The following SHLD2 variants were observed in gnomAD, a reference collection of about 807,000 sequenced individuals.
SHLD2 encodes the protein shieldin complex subunit 2.
A neutral mutation model predicts 73.2 loss-of-function variants in SHLD2; 30 were observed. The ratio of observed to expected loss-of-function variants is 0.41; its 90% CI spans 0.31 to 0.56. SHLD2 has a LOEUF of 0.56. Ranked by LOEUF, SHLD2 falls within the 20% of genes least tolerant of loss-of-function variation. The pLI, the probability that SHLD2 is intolerant of heterozygous loss-of-function variation, is 0.28. For missense variants in SHLD2, 745 were observed against 1,055.9 expected (o/e 0.71, Z 4.08); for synonymous variants, 285 against 370.1 (o/e 0.77, Z 2.64).
intron 7 of SHLD2, among the ~76,000 whole-genome samples, chr10:87,178,754 CAT>C (rs1346900618): frequency 1.3e-5 from 2 of 152,156 alleles, no homozygotes; most frequent in Admixed American, 6.5e-5. Flanking sequence ...AGTGATTTGA[CAT>C]GTCTTTGGAA....
chr10:87,125,476 C>T (rs1224834783), intron 2 of SHLD2, among the ~76,000 whole-genome samples: 1 of 152,218 alleles, frequency 6.6e-6, no homozygotes, highest in East Asian at 1.9e-4. Flanking sequence ...TGGCTGACGC[C>T]TGTAATCCTA....
intron 2 of SHLD2, among the ~76,000 whole-genome samples, chr10:87,102,350 G>A (rs958378605): frequency 1.5e-4 from 23 of 151,968 alleles, no homozygotes; most frequent in Non-Finnish European, 2.8e-4. Flanking sequence ...GGACCCAAGC[G>A]GTCTTCCCAC....
chr10:87,103,858 T>G (rs1842423483), intron 2 of SHLD2, among the ~76,000 whole-genome samples: 1 of 152,226 alleles, frequency 6.6e-6, no homozygotes, highest in African/African-American at 2.4e-5. Context: ...AAGGGTTCCT[T>G]TCATGTTGTG....
At chr10:87,111,553 A>C (rs1169402338) in intron 2 of SHLD2, among the ~76,000 whole-genome samples, 1 of 150,532 alleles carries the variant, frequency 6.6e-6, no homozygotes, top group African/African-American at 2.4e-5. Context: ...AGGCACGAGA[A>C]TCTCTTGAGT....
At chr10:87,144,298 G>C (rs1291257956) in intron 2 of SHLD2, among the ~76,000 whole-genome samples, 1 of 152,208 alleles carries the variant, frequency 6.6e-6, no homozygotes, top group Non-Finnish European at 1.5e-5. Flanking sequence ...TTGCAAGCCA[G>C]AATAAGAGAG....
intron 4 of SHLD2, among the ~76,000 whole-genome samples, chr10:87,162,585 G>A (rs3129476): frequency 1.3e-5 from 2 of 152,118 alleles, no homozygotes; most frequent in Non-Finnish European, 2.9e-5. Context: ...TCCCAGCTAC[G>A]TTGGAGGCTG....
chr10:87,099,749 A>C (rs1345252471), intron 2 of SHLD2, among the ~76,000 whole-genome samples: 1 of 152,242 alleles, frequency 6.6e-6, no homozygotes, highest in Non-Finnish European at 1.5e-5. Context: ...AATTCTTACC[A>C]GCAGTGAATG....
At chr10:87,159,362 A>G (rs548938008) in intron 4 of SHLD2, among the ~76,000 whole-genome samples, 204 of 152,284 alleles carry the variant, frequency 1.3e-3, no homozygotes, top group African/African-American at 4.7e-3. Context: ...TCCAATATAT[A>G]TTTATTATGT....
intron 2 of SHLD2, among the ~76,000 whole-genome samples, chr10:87,097,693 G>A (rs753039169): frequency 9.0e-4 from 137 of 152,106 alleles, no homozygotes; most frequent in Non-Finnish European, 1.8e-3. Context: ...GTGTGTAGGT[G>A]CCTTACAAAC....
chr10:87,150,942 T>C (rs1412708589), intron 2 of SHLD2, among the ~76,000 whole-genome samples: 1 of 151,956 alleles, frequency 6.6e-6, no homozygotes, highest in South Asian at 2.1e-4. Context: ...TTCTTCTGCC[T>C]CAGCCTTCAA....
intron 2 of SHLD2, among the ~76,000 whole-genome samples, chr10:87,099,627 G>A (rs1262036949): frequency 2.0e-5 from 3 of 152,120 alleles, no homozygotes; most frequent in African/African-American, 7.2e-5. Context: ...GTGAACTTTT[G>A]TGTGTGCATA....
chr10:87,190,878 T>C lies in SHLD2; in HGVS notation c.*195T>C. 1 of 591,672 alleles carries C rather than the reference T, an allele frequency of 1.7e-6. No individual in the cohort carries two copies. The highest frequency in any genetic ancestry group is 3.0e-6 in the Non-Finnish European group (1 of 336,624). The allele number at this position is 591,672 out of a possible 1,614,324, so 36.7% of individuals were successfully genotyped here. A position where few individuals can be genotyped will look rare whatever the true frequency, so the allele number is the denominator to read the frequency against. ...AGGTTTAAAAAGATTGTTTTTGTCTTTTGGTTTCTTACTTTCTCCTGGAGA... is the reference window on the plus strand; with the variant it reads ...AGGTTTAAAAAGATTGTTTTTGTCTCTTGGTTTCTTACTTTCTCCTGGAGA... On this transcript the variant is annotated 3_prime_UTR_variant, in exon 10 of 10. Coordinates refer to ENST00000298786, the MANE Select transcript of SHLD2 (RefSeq NM_001330112.2).
chr10:87,136,812 A>G (rs888253117), intron 2 of SHLD2, among the ~76,000 whole-genome samples: 10 of 152,164 alleles, frequency 6.6e-5, no homozygotes, highest in African/African-American at 2.4e-4. Flanking sequence ...GCTATGAAAC[A>G]CAAGCAGGTC....
intron 2 of SHLD2, among the ~76,000 whole-genome samples, chr10:87,113,080 C>T (rs1412826020): frequency 2.6e-5 from 4 of 152,136 alleles, no homozygotes; most frequent in Non-Finnish European, 5.9e-5. Context: ...AATCCCAGCA[C>T]TTTGGGAGGC....
chr10:87,098,839 G>C (rs981204460), intron 2 of SHLD2, among the ~76,000 whole-genome samples: 1 of 152,042 alleles, frequency 6.6e-6, no homozygotes, highest in Non-Finnish European at 1.5e-5. Context: ...GCGGTGGCAC[G>C]ATCACAGTTT....
intron 4 of SHLD2, 67 bp from the exon 5 acceptor site, chr10:87,170,411 A>T (rs1847512108): frequency 2.4e-5 from 28 of 1,148,226 alleles, no homozygotes; most frequent in Non-Finnish European, 3.3e-5. Context: ...GTTCTAAAAA[A>T]TATTATTTGT....
intron 2 of SHLD2, among the ~76,000 whole-genome samples, chr10:87,145,058 A>G (rs1845504125): frequency 7.0e-6 from 1 of 142,412 alleles, no homozygotes; most frequent in Non-Finnish European, 1.5e-5. Context: ...CTTCTGCCTC[A>G]GCCTCCCGAG....
At chr10:87,095,684 C>T (rs994576688) in intron 1 of SHLD2, among the ~76,000 whole-genome samples, 1 of 152,258 alleles carries the variant, frequency 6.6e-6, no homozygotes, top group African/African-American at 2.4e-5. Flanking sequence ...TTTTATTGTC[C>T]CGTTCAACTG....
intron 2 of SHLD2, among the ~76,000 whole-genome samples, chr10:87,137,386 G>C (rs1056378735): frequency 6.6e-6 from 1 of 151,792 alleles, no homozygotes; most frequent in African/African-American, 2.4e-5. Flanking sequence ...AAAAGAAAAG[G>C]AAAGGGAAGG....
Sources: gnomAD v4.1 joint callset for allele counts (sites outside exome capture counted in the v4.1 genomes callset) on GRCh38, gnomAD v4.1.1 for gene constraint, MANE v1.5 for transcripts, NCBI Gene and HGNC (gene_info 2026-07-23, HGNC 2026-07-21) for gene names.